The following HERC1 variants were observed in gnomAD, a reference collection of about 807,000 sequenced individuals.
HERC1 encodes the protein probable E3 ubiquitin-protein ligase HERC1.
A neutral mutation model predicts 554.3 loss-of-function variants in HERC1; 160 were observed. That is an observed-to-expected ratio of 0.29 (90% CI 0.25 to 0.33). The LOEUF is 0.33. Ranked by LOEUF, HERC1 falls within the 10% of genes least tolerant of loss-of-function variation. The probability of loss-of-function intolerance (pLI) is 1.00; values close to 1 mark genes in which losing one functional copy is unlikely to be tolerated. For missense variants in HERC1, 4,919 were observed against 5,918.5 expected (o/e 0.83, Z 5.54); for synonymous variants, 2,175 against 2,131.7 (o/e 1.02, Z -0.56).
intron 24 of HERC1, among the ~76,000 whole-genome samples, chr15:63,707,988 T>TTA (rs1445207836): frequency 1.3e-5 from 2 of 150,458 alleles, no homozygotes; most frequent in African/African-American, 4.9e-5. Flanking sequence ...TTGGAAAATG[T>TTA]TATATAAAAT....
At chr15:63,762,928 C>G (rs1177902134) in intron 3 of HERC1, among the ~76,000 whole-genome samples, 2 of 152,150 alleles carry the variant, frequency 1.3e-5, no homozygotes, top group African/African-American at 4.8e-5. Flanking sequence ...GGCTCCTATT[C>G]CCATTATCTC....
At chr15:63,742,658 T>C (rs932727528) in intron 12 of HERC1, among the ~76,000 whole-genome samples, 1 of 152,204 alleles carries the variant, frequency 6.6e-6, no homozygotes, top group African/African-American at 2.4e-5. Context: ...TCCTAGTTTG[T>C]TGAATATTTT....
intron 22 of HERC1, among the ~76,000 whole-genome samples, 155 bp downstream of exon 22, chr15:63,716,147 A>G (rs1365553955): frequency 6.6e-6 from 1 of 152,192 alleles, no homozygotes; most frequent in South Asian, 2.1e-4. Context: ...CAGTTGTAGG[A>G]GCCCCTGTCA....
chr15:63,672,920 G>C (rs1214143770), intron 38 of HERC1, among the ~76,000 whole-genome samples: 1 of 152,040 alleles, frequency 6.6e-6, no homozygotes, highest in Non-Finnish European at 1.5e-5. Flanking sequence ...ATTGTAATGA[G>C]CCCTTGTAAT....
At chr15:63,622,741 A>G in intron 74 of HERC1, 74 bp downstream of exon 74, 1 of 1,156,540 alleles carries the variant, frequency 8.6e-7, no homozygotes, top group Non-Finnish European at 1.2e-6. Context: ...GACCTGGTAC[A>G]TAGTAAGCAC....
At chr15:63,736,630 C>T (rs1238853835) in intron 12 of HERC1, among the ~76,000 whole-genome samples, 2 of 148,476 alleles carry the variant, frequency 1.3e-5, no homozygotes, top group African/African-American at 5.0e-5. Context: ...TTTTTTGAGA[C>T]GGAGTCTTGC....
At chr15:63,801,458 T>G (rs997192703) in intron 1 of HERC1, among the ~76,000 whole-genome samples, 23 of 152,176 alleles carry the variant, frequency 1.5e-4, no homozygotes, top group African/African-American at 5.5e-4. Flanking sequence ...AAGAACTGAT[T>G]GGTGTACGCA....
intron 33 of HERC1, among the ~76,000 whole-genome samples, chr15:63,687,314 C>T (rs957077733): frequency 2.0e-5 from 3 of 151,994 alleles, no homozygotes; most frequent in African/African-American, 7.3e-5. Flanking sequence ...CCGAAGCGGG[C>T]GGATCACAAG....
intron 31 of HERC1, among the ~76,000 whole-genome samples, 168 bp from the exon 32 acceptor site, chr15:63,690,815 G>A (rs1054864215): frequency 7.2e-5 from 11 of 152,130 alleles, no homozygotes; most frequent in African/African-American, 2.7e-4. Context: ...CCATGAATGC[G>A]TATGAATACA....
At position 63,677,849 on chromosome 15, in the gene HERC1, T is replaced by C; in HGVS notation, c.7066A>G (p.Ile2356Val). The stretch of plus-strand genomic sequence containing the variant: ...GTGTAACTCAACAGATCATACCTGA[T>C]AGTAATTTCTGCTTCATCCCATTGG... ...KVQWDEAEIT[I>V]SFPTFWSPSD... is the part of the protein sequence containing the mutation. The change falls in exon 37 of 78, where the codon ATC becomes GTC. Residue 2356 changes from isoleucine (I) to valine (V), a missense_variant. Physicochemically the swap from Ile to Val is conservative, Grantham distance 29 (BLOSUM62 3). Coordinates refer to ENST00000443617, the MANE Select transcript of HERC1 (RefSeq NM_003922.4). This position sits in a 1 kb window ranked among gnomAD's most constrained non-coding sequence, Gnocchi z 4.4. The C allele has an allele frequency of 6.2e-7, 1 of 1,613,180 alleles. No individual in the cohort carries two copies. The highest frequency in any genetic ancestry group is 8.5e-7 in the Non-Finnish European group (1 of 1,179,420).
chr15:63,690,579 C>G lies in HERC1; in HGVS notation c.5899G>C (p.Ala1967Pro). 3 of 1,613,292 alleles carry G rather than the reference C, an allele frequency of 1.9e-6. No homozygotes were observed. Among genetic ancestry groups the G allele is most frequent in the Non-Finnish European group, 2.5e-6 (3 of 1,179,452 alleles). Residue 1967 changes from alanine to proline, a missense_variant, in exon 32 of 78, where the codon GCT becomes CCT. By Grantham distance (27) the Ala-to-Pro change is conservative (BLOSUM62 -1). This residue lies in a region of HERC1 where 1,121 missense variants were observed against 1,244.0 expected (regional missense o/e 0.90). Coordinates refer to ENST00000443617, the MANE Select transcript of HERC1 (RefSeq NM_003922.4). ...ALHVLEAVLP[A>P]CESGVEDDQM... The stretch of plus-strand genomic sequence containing the variant: ...TCATCTTCTACACCAGATTCACAAG[C>G]TGGCAGCACAGCTTCAAGGACATGA...
chr15:63,652,301 A>G, intron 52 of HERC1, 113 bp downstream of exon 52: 2 of 920,136 alleles, frequency 2.2e-6, no homozygotes, highest in South Asian at 4.8e-5. Context: ...TACTAATCTA[A>G]AAGAAAATTT....
chr15:63,746,878 C>T (rs1052025106), intron 12 of HERC1, 40 bp downstream of exon 12: 23 of 1,508,906 alleles, frequency 1.5e-5, no homozygotes, highest in Middle Eastern at 1.7e-4. Flanking sequence ...CAGAGAAAGA[C>T]GTGGTTTGAG....
At chr15:63,688,671 T>C (rs992971234) in intron 33 of HERC1, among the ~76,000 whole-genome samples, 2 of 152,202 alleles carry the variant, frequency 1.3e-5, no homozygotes, top group African/African-American at 4.8e-5. Context: ...CAGGCCATTC[T>C]ATCAAAGTAG....
At position 63,612,083 on chromosome 15, in the gene HERC1, G is replaced by A. The variant is rs142779987; in HGVS notation, c.14400+168C>T. On this transcript the variant is annotated intron_variant, in intron 77 of 77. Coordinates refer to ENST00000443617, the MANE Select transcript of HERC1 (RefSeq NM_003922.4). This position sits in a 1 kb window ranked among gnomAD's most constrained non-coding sequence, Gnocchi z 5.0. ...CGCACCTGTAGTCCCAGCTACTGCG[G>A]AGGCTGAGGCAGGAGAACTGCTTGA... Among the ~76,000 whole-genome samples, 2 of 152,338 alleles carry A rather than the reference G, an allele frequency of 1.3e-5. No individual in the cohort carries two copies. The highest frequency in any genetic ancestry group is 1.9e-4 in the East Asian group (1 of 5,190).
intron 30 of HERC1, among the ~76,000 whole-genome samples, chr15:63,693,276 C>T (rs1187383815): frequency 6.7e-6 from 1 of 149,064 alleles, no homozygotes; most frequent in African/African-American, 2.5e-5. Flanking sequence ...CAGGCTCTCG[C>T]TCTGTCATCC....
chr15:63,801,226 G>A (rs571653213), intron 1 of HERC1, among the ~76,000 whole-genome samples: 10 of 152,214 alleles, frequency 6.6e-5, no homozygotes, highest in African/African-American at 2.2e-4. Flanking sequence ...CGTGTTCTGT[G>A]AGCCATTCTA....
chr15:63,610,010 T>C (rs568657035), intron 77 of HERC1, among the ~76,000 whole-genome samples: 47 of 152,290 alleles, frequency 3.1e-4, no homozygotes, highest in African/African-American at 1.1e-3. Context: ...AAATAGCTAC[T>C]ACTGGAGAGA....
chr15:63,752,926 C>CT (rs753833505), intron 8 of HERC1, 32 bp downstream of exon 8: 10 of 1,595,844 alleles, frequency 6.3e-6, no homozygotes, highest in African/African-American at 1.3e-5. Context: ...CTGAAATACT[C>CT]TAAGTCTTTT....
Sources: allele counts gnomAD v4.1 joint callset (sites outside exome capture counted in the v4.1 genomes callset), GRCh38; gene constraint gnomAD v4.1.1; regional missense constraint gnomAD v4.1.1; non-coding constraint Gnocchi (gnomAD v3.1); transcripts MANE v1.5; gene names NCBI Gene and HGNC (gene_info 2026-07-23, HGNC 2026-07-21).